UGT3A1: variants seen among roughly 807,000 people sequenced by gnomAD.
The protein encoded by UGT3A1 is UDP glycosyltransferase family 3 member A1, also known as UDP-glycosyltransferase 3A1.
In UGT3A1, 40 loss-of-function variants were observed where a neutral mutation model predicts 37.6. The ratio of observed to expected loss-of-function variants is 1.06; its 90% CI spans 0.83 to 1.38. The LOEUF is 1.38. Among genes scored for constraint, UGT3A1 ranks in the 40% most tolerant of loss-of-function variants. The pLI, the probability that UGT3A1 is intolerant of heterozygous loss-of-function variation, is 0.00. For synonymous variants in UGT3A1, 256 were observed against 232.3 expected (o/e 1.10, Z -0.93); for missense variants, 642 against 634.2 (o/e 1.01, Z -0.13).
chr5:35,999,129 C>G (rs1327209266), intron 1 of UGT3A1, among the ~76,000 whole-genome samples: 1 of 150,190 alleles, frequency 6.7e-6, no homozygotes, highest in Admixed American at 6.7e-5. Context: ...CCCAGCTACT[C>G]GGGAGGCTGA....
chr5:35,965,939 A>C, intron 3 of UGT3A1, 22 bp from the exon 4 acceptor site: 1 of 1,469,466 alleles, frequency 6.8e-7, no homozygotes, highest in South Asian at 1.4e-5. Flanking sequence ...AAAATAAATA[A>C]TAAATATTTG....
intron 3 of UGT3A1, among the ~76,000 whole-genome samples, chr5:35,967,486 G>T (rs1490679424): frequency 6.6e-6 from 1 of 152,188 alleles, no homozygotes; most frequent in Admixed American, 6.5e-5. Flanking sequence ...CATGGCATTT[G>T]ATTGTTTTTA....
intron 3 of UGT3A1, among the ~76,000 whole-genome samples, chr5:35,966,427 A>G (rs1739811443): frequency 6.6e-6 from 1 of 152,260 alleles, no homozygotes; most frequent in African/African-American, 2.4e-5. Context: ...TGACAATATT[A>G]GAATCCAAAA....
chr5:35,975,718 T>C (rs532397596), intron 2 of UGT3A1, among the ~76,000 whole-genome samples: 1 of 152,342 alleles, frequency 6.6e-6, no homozygotes, highest in African/African-American at 2.4e-5. Flanking sequence ...TATTATACTT[T>C]AAGTTTTAGG....
intron 2 of UGT3A1, among the ~76,000 whole-genome samples, chr5:35,978,118 C>A (rs1740367992): frequency 6.6e-6 from 1 of 152,124 alleles, no homozygotes; most frequent in South Asian, 2.1e-4. Flanking sequence ...ACTGCAACCT[C>A]CACCTCCTGG....
chr5:35,976,669 G>A (rs1033013370), intron 2 of UGT3A1, among the ~76,000 whole-genome samples: 3 of 151,992 alleles, frequency 2.0e-5, no homozygotes, highest in East Asian at 1.9e-4. Flanking sequence ...GTGAGATACC[G>A]ACTCTACAAA....
chr5:35,987,669 A>G (rs1162644096), intron 2 of UGT3A1, among the ~76,000 whole-genome samples: 2 of 152,168 alleles, frequency 1.3e-5, no homozygotes, highest in African/African-American at 4.8e-5. Flanking sequence ...TTACCTTCAG[A>G]ATTTTATAAT....
At chr5:35,983,631 T>C (rs2149986314) in intron 2 of UGT3A1, among the ~76,000 whole-genome samples, 1 of 152,152 alleles carries the variant, frequency 6.6e-6, no homozygotes, top group African/African-American at 2.4e-5. Flanking sequence ...CTGATGAAGA[T>C]AGATGCAAAA....
chr5:35,986,093 T>C (rs1038654455), intron 2 of UGT3A1, among the ~76,000 whole-genome samples: 4 of 152,216 alleles, frequency 2.6e-5, no homozygotes, highest in Non-Finnish European at 5.9e-5. Flanking sequence ...ATGTTCACCA[T>C]TATTTATCCT....
intron 4 of UGT3A1, chr5:35,961,794 A>C (rs1309026678): frequency 1.3e-5 from 2 of 152,198 alleles, no homozygotes; most frequent in Non-Finnish European, 2.9e-5. Context: ...GGGCTGTCTG[A>C]GTAATAAATT....
intron 2 of UGT3A1, among the ~76,000 whole-genome samples, chr5:35,970,302 G>A (rs1739984402): frequency 6.6e-6 from 1 of 151,698 alleles, no homozygotes; most frequent in African/African-American, 2.4e-5. Flanking sequence ...TGAGGCAGGA[G>A]AATCACTTGA....
At chr5:35,968,921 G>A (rs1390430686) in intron 2 of UGT3A1, among the ~76,000 whole-genome samples, 3 of 152,170 alleles carry the variant, frequency 2.0e-5, no homozygotes, top group Non-Finnish European at 4.4e-5. Context: ...ATGACAAACA[G>A]GGATCCTCTT....
Position 35,954,047 on chromosome 5 carries a change from G to T in UGT3A1, c.*155C>A, listed in dbSNP as rs77266170. The T allele has an allele frequency of 0.14, 112,342 of 831,802 alleles. 8,672 individuals carry two copies. Among genetic ancestry groups the T allele is most frequent in the Middle Eastern group, 0.18 (483 of 2,690 alleles). 51.5% of individuals were successfully genotyped at this position (831,802 alleles called of 1,614,324 possible). On this transcript the variant is annotated 3_prime_UTR_variant, in exon 7 of 7. Transcript: ENST00000274278. The stretch of plus-strand genomic sequence containing the variant: ...TCAAGAAGCCTCAGTGGTGCGTGAA[G>T]ATTTCTAAACAGAGGCAGAGAATAG...
chr5:35,989,890 C>T (rs1479111539), intron 1 of UGT3A1, among the ~76,000 whole-genome samples: 1 of 152,110 alleles, frequency 6.6e-6, no homozygotes, highest in Non-Finnish European at 1.5e-5. Context: ...GGAGACCATC[C>T]TGGCTAACAC....
intron 2 of UGT3A1, among the ~76,000 whole-genome samples, chr5:35,978,292 C>T (rs570754148): frequency 5.3e-5 from 8 of 152,260 alleles, no homozygotes; most frequent in African/African-American, 1.7e-4. Flanking sequence ...GCCTCAGCCT[C>T]TCAAAGTGCG....
At chr5:35,958,986 C>G (rs576547020) in intron 4 of UGT3A1, among the ~76,000 whole-genome samples, 168 of 152,204 alleles carry the variant, frequency 1.1e-3, no homozygotes, top group African/African-American at 3.9e-3. Flanking sequence ...ATACTGCAGA[C>G]CTATGAAGGC....
At chr5:35,977,014 AAAAG>A (rs773220826) in intron 2 of UGT3A1, among the ~76,000 whole-genome samples, 1 of 148,498 alleles carries the variant, frequency 6.7e-6, no homozygotes, top group East Asian at 1.9e-4. Flanking sequence ...GAAAGAAAGA[AAAAG>A]AGAGAGAAAG....
chr5:35,967,415 A>C (rs1739853240), intron 3 of UGT3A1, among the ~76,000 whole-genome samples: 1 of 152,174 alleles, frequency 6.6e-6, no homozygotes, highest in Non-Finnish European at 1.5e-5. Flanking sequence ...CAGATGAAGG[A>C]GATTCTTTGT....
chr5:35,984,450 G>A (rs1166088678), intron 2 of UGT3A1, among the ~76,000 whole-genome samples: 1 of 150,446 alleles, frequency 6.6e-6, no homozygotes, highest in African/African-American at 2.4e-5. Flanking sequence ...TGTGAAATGG[G>A]GCTACCATTC....
Sources: gnomAD v4.1 joint callset for allele counts (sites outside exome capture counted in the v4.1 genomes callset) on GRCh38, gnomAD v4.1.1 for gene constraint, MANE v1.5 for transcripts, NCBI Gene and HGNC (gene_info 2026-07-23, HGNC 2026-07-21) for gene names.